DST: variants seen among roughly 807,000 people sequenced by gnomAD.
DST encodes bullous pemphigoid antigen.
Under a neutral mutation model 875.2 loss-of-function variants are expected in DST, and 253 were observed. The ratio of observed to expected loss-of-function variants is 0.29; its 90% CI spans 0.26 to 0.32. The LOEUF (loss-of-function observed/expected upper bound fraction) is 0.32. Among genes scored for constraint, DST ranks in the 10% least tolerant of loss-of-function variants. DST has a pLI of 1.00. For missense variants in DST, 8,287 were observed against 9,111.6 expected, an observed-to-expected ratio of 0.91 and a Z score of 3.68; for synonymous variants, 3,124 against 3,197.1, an observed-to-expected ratio of 0.98 and a Z score of 0.77.
rs1586481639 is a variant in DST at position 56,607,920 on chromosome 6, G to A, written c.6708C>T (p.Gly2236=). The A allele has an allele frequency of 1.2e-6, 2 of 1,613,612 alleles. No homozygotes were observed. The highest frequency in any genetic ancestry group is 1.7e-6 in the Non-Finnish European group (2 of 1,179,716). ...TGTTTCCATCAAATTCTGCATGACA[G>A]CCTTCCAGTAGCATGCCAACAGCCT... The part of the protein sequence containing the change: ...LDEAVGMLLE[G]CHAEFDGNTA... Residue 2236 remains glycine, a synonymous_variant, in exon 40 of 104, where the codon GGC becomes GGT. Transcript: ENST00000680361.
chr6:56,675,306 A>C (rs1033307523), intron 9 of DST, among the ~76,000 whole-genome samples: 3 of 152,226 alleles, frequency 2.0e-5, no homozygotes, highest in Non-Finnish European at 2.9e-5. Context: ...TAAAGCTACT[A>C]AAGAAAATGT....
chr6:56,631,931 C>T lies in DST; in HGVS notation c.3915G>A (p.Leu1305=), dbSNP rs948699672. The T allele has an allele frequency of 6.2e-7, 1 of 1,613,998 alleles. No homozygotes were observed. Among genetic ancestry groups the T allele is most frequent in the African/African-American group, 1.3e-5 (1 of 75,040 alleles). ...CACTTTCATGCAAATCATCTCTTTC[C>T]AGGGGAGTTCGAATCTGTCTAATCA... ...DRLIRQIRTP[L]ERDDLHESVF... is the part of the protein sequence containing the mutation. Residue 1305 remains leucine (L), a synonymous_variant, in exon 29 of 104, where the codon CTG becomes CTA. Coordinates refer to ENST00000680361, the MANE Select transcript of DST (RefSeq NM_001374736.1).
rs58579678 is a variant in DST at position 56,718,075 on chromosome 6, T to TTAAA, written c.688-13710_688-13707dup. On this transcript the variant is annotated intron_variant, in intron 5 of 103. Coordinates refer to ENST00000680361, the MANE Select transcript of DST (RefSeq NM_001374736.1). The stretch of plus-strand genomic sequence containing the variant: ...CTGGGCAACACAGTGAAACCTTGTC[T>TTAAA]TAAATAAATAAATAAATAAATAAAT... Among the ~76,000 whole-genome samples, 674 of 151,386 alleles carry TTAAA rather than the reference T, an allele frequency of 4.5e-3. 8 individuals carry two copies. Among genetic ancestry groups the TTAAA allele is most frequent in the South Asian group, 0.041 (198 of 4,778 alleles).
intron 1 of DST, 31 bp from the exon 2 acceptor site, chr6:56,953,850 T>C: frequency 7.7e-7 from 1 of 1,303,346 alleles, no homozygotes; most frequent in Non-Finnish European, 1.0e-6. Context: ...TGAGACTTCA[T>C]TTAACTCCTT....
In DST at chr6:56,561,366, T is replaced by C. The variant is rs777674309; in HGVS notation, c.14252A>G (p.Gln4751Arg). The C allele has an allele frequency of 2.5e-6, 4 of 1,613,856 alleles. No homozygotes were observed. Among genetic ancestry groups the C allele is most frequent in the African/African-American group, 1.3e-5 (1 of 75,062 alleles). ...QKMNKTATKW[Q>R]QTPAPTDTEA... ...AGTATCTGTAGGTGCAGGTGTCTGC[T>C]GCCATTTTGTTGCAGTTTTGTTCAT... The change falls in exon 57 of 104, where the codon CAG (glutamine) becomes CGG (arginine). Residue 4751 changes from glutamine to arginine, a missense_variant. By Grantham distance (43) the Gln-to-Arg change is conservative. This residue lies in a region of DST where 1,513 missense variants were observed against 1,677.8 expected (regional missense o/e 0.90). Transcript: ENST00000680361.
At chr6:56,918,519 T>G (rs1802471419) in intron 2 of DST, among the ~76,000 whole-genome samples, 1 of 152,210 alleles carries the variant, frequency 6.6e-6, no homozygotes, top group Non-Finnish European at 1.5e-5. Context: ...TTTTTTCCAG[T>G]ATAAACAGTG....
chr6:56,948,950 A>G (rs1184436037), intron 2 of DST, among the ~76,000 whole-genome samples: 1 of 152,232 alleles, frequency 6.6e-6, no homozygotes, highest in East Asian at 1.9e-4. Context: ...TACCAGTCAT[A>G]ATACAAAATC....
rs76350521 is a variant in DST, at chr6:56,535,118, T to C, written c.16941+4A>G. 3 of 1,612,374 alleles carry C rather than the reference T, an allele frequency of 1.9e-6. No homozygotes were observed. The highest frequency in any genetic ancestry group is 1.3e-5 in the African/African-American group (1 of 74,956). On this transcript the variant is annotated splice_donor_region_variant and intron_variant, in intron 63 of 103. Transcript: ENST00000680361. ...AACGCAATACAAAAGCATGACTAAC[T>C]TACCTTTTGTTCTTGTATCTGGGCC... is the stretch of plus-strand genomic sequence containing the variant.
chr6:56,633,518 G>A (rs1397377914), intron 27 of DST, among the ~76,000 whole-genome samples: 8 of 150,660 alleles, frequency 5.3e-5, no homozygotes, highest in South Asian at 2.1e-4. Context: ...GAGCCACCGC[G>A]CCCGGCCGAG....
At chr6:56,721,064 G>GC (rs1314047866) in intron 5 of DST, among the ~76,000 whole-genome samples, 51 of 146,312 alleles carry the variant, frequency 3.5e-4, no homozygotes, top group Middle Eastern at 3.7e-3. Context: ...GGGCAGGGGC[G>GC]CCCCCCCCAC....
At chr6:56,776,401 T>G (rs1446991769) in intron 4 of DST, among the ~76,000 whole-genome samples, 1 of 152,178 alleles carries the variant, frequency 6.6e-6, no homozygotes, top group African/African-American at 2.4e-5. Context: ...CTAATGATAC[T>G]CATATCAAGT....
At chr6:56,793,701 A>G (rs2099735087) in intron 4 of DST, among the ~76,000 whole-genome samples, 2 of 152,340 alleles carry the variant, frequency 1.3e-5, no homozygotes, top group Admixed American at 1.3e-4. Context: ...AAGAATGTAC[A>G]TATTGTCTCG....
At chr6:56,683,148 G>A (rs765435959) in intron 9 of DST, among the ~76,000 whole-genome samples, 2 of 152,122 alleles carry the variant, frequency 1.3e-5, no homozygotes. Context: ...GAAGAAGGGG[G>A]TCTTATATCC....
chr6:56,633,754 G>A (rs1029383762), intron 27 of DST, among the ~76,000 whole-genome samples: 4 of 151,680 alleles, frequency 2.6e-5, no homozygotes, highest in Admixed American at 1.3e-4. Context: ...CACCTGCCTC[G>A]GCCTCCCAAA....
intron 3 of DST, among the ~76,000 whole-genome samples, chr6:56,890,571 G>A (rs776505568): frequency 1.3e-5 from 2 of 152,108 alleles, no homozygotes; most frequent in Non-Finnish European, 2.9e-5. Context: ...AAAACAAGGA[G>A]TAAAATAAAA....
In DST at chr6:56,552,208, A is replaced by G. The variant is rs1015460148; in HGVS notation, c.16584T>C (p.Ile5528=). The part of the protein sequence containing the change: ...QGPVGMETET[I]NQQLNMFKVF... ...CCTTGAACATGTTAAGCTGCTGATT[A>G]ATTGTCTCCGTTTCCATACCAACAG... Residue 5528 remains isoleucine (I), a synonymous_variant, in exon 61 of 104, where the codon ATT becomes ATC. Transcript: ENST00000680361. 6.2e-7 allele frequency: 1 copy of G among 1,612,450 alleles called. No individual in the cohort carries two copies. Among genetic ancestry groups the G allele is most frequent in the African/African-American group, 1.3e-5 (1 of 74,816 alleles).
chr6:56,901,056 A>G (rs1383404403), intron 2 of DST, among the ~76,000 whole-genome samples: 1 of 152,066 alleles, frequency 6.6e-6, no homozygotes, highest in African/African-American at 2.4e-5. Flanking sequence ...CTTTCTGAGG[A>G]AGGAAAGAGC....
chr6:56,670,133 CGTGTGTGTGTGTGT>C (rs70989723), intron 10 of DST, among the ~76,000 whole-genome samples: 25 of 146,198 alleles, frequency 1.7e-4, no homozygotes, highest in East Asian at 4.1e-4. Context: ...AGCGCCCGTG[CGTGTGTGTGTGTGT>C]GTGTGTGTGT....
rs1272628401 is a variant in DST, at chr6:56,735,240, C to T, written c.675G>A (p.Gln225=). Residue 225 remains glutamine (Q), a synonymous_variant, in exon 5 of 104, where the codon CAG becomes CAA. Transcript: ENST00000680361. Reference sequence around the variant, plus strand: ...AATAAAAACTGACCTTCATGAGATGCTGATTTATCCATTTTGTAAATGTTT... The same window carrying T: ...AATAAAAACTGACCTTCATGAGATGTTGATTTATCCATTTTGTAAATGTTT... The part of the protein sequence containing the change: ...QKKTFTKWIN[Q]HLMKVRKHVN... 6 of 1,550,346 alleles carry T rather than the reference C, an allele frequency of 3.9e-6. No homozygotes were observed. The South Asian group carries it at 7.2e-5, about 19-fold the overall frequency.
Sources: gnomAD v4.1 joint callset for allele counts (sites outside exome capture counted in the v4.1 genomes callset) on GRCh38, gnomAD v4.1.1 for gene constraint, gnomAD v4.1.1 regional missense constraint, MANE v1.5 for transcripts, NCBI Gene and HGNC (gene_info 2026-07-23, HGNC 2026-07-21) for gene names.